The following C12orf54 variants were observed in gnomAD, a reference collection of about 807,000 sequenced individuals.
The protein encoded by C12orf54 is uncharacterized protein C12orf54.
Under a neutral mutation model 26.4 loss-of-function variants are expected in C12orf54, and 24 were observed. That is an observed-to-expected ratio of 0.91 (90% CI 0.66 to 1.28). The LOEUF (loss-of-function observed/expected upper bound fraction) is 1.28, where lower values mean the gene tolerates loss of function less well. Among genes scored for constraint, C12orf54 ranks in the 50% most tolerant of loss-of-function variants. The probability of loss-of-function intolerance (pLI) is 0.00; values close to 1 mark genes in which losing one functional copy is unlikely to be tolerated. For synonymous variants in C12orf54, 54 were observed against 47.0 expected, an observed-to-expected ratio of 1.15 and a Z score of -0.61; for missense variants, 154 against 150.9, an observed-to-expected ratio of 1.02 and a Z score of -0.11.
chr12:48,434,125 T>G, the C12orf54 span, among the ~76,000 whole-genome samples: 14 of 152,278 alleles, frequency 9.2e-5, no homozygotes, highest in African/African-American at 3.4e-4. Flanking sequence ...ATCCCACACA[T>G]GACTCGGAGG....
At chr12:48,460,640 C>T in the C12orf54 span, among the ~76,000 whole-genome samples, 2 of 151,950 alleles carry the variant, frequency 1.3e-5, no homozygotes, top group Non-Finnish European at 1.5e-5. Flanking sequence ...CATATGACAA[C>T]AATAATAGCA....
In C12orf54 at chr12:48,486,226, A is replaced by T; in HGVS notation, c.96+18A>T. 6 of 1,605,548 alleles carry T rather than the reference A, an allele frequency of 3.7e-6. No homozygotes were observed. The South Asian group carries it at 5.5e-5, about 15-fold the overall frequency. On this transcript the variant is annotated intron_variant, in intron 3 of 8. Transcript: ENST00000548364. ...GACCACAGGTGGGTAAGGTATCCAA[A>T]TTCTCTGGATCCTCTGGGGCTTCTA...
chr12:48,488,624 G>C (rs1937713057), intron 4 of C12orf54: 1 of 417,318 alleles, frequency 2.4e-6, no homozygotes, highest in African/African-American at 2.0e-5. Flanking sequence ...GAACCAATTA[G>C]ACCGAAAATA....
upstream of C12orf54, among the ~76,000 whole-genome samples, chr12:48,480,554 A>T (rs2137081750): frequency 6.6e-6 from 1 of 152,304 alleles, no homozygotes; most frequent in Non-Finnish European, 1.5e-5. Flanking sequence ...CACCAGTCAG[A>T]ATGGCCATTA....
the C12orf54 span, among the ~76,000 whole-genome samples, chr12:48,458,387 T>C: frequency 2.0e-5 from 3 of 152,356 alleles, no homozygotes; most frequent in East Asian, 5.8e-4. Flanking sequence ...CATGGAATTT[T>C]ATTATCGGGG....
chr12:48,473,676 A>G, the C12orf54 span: 1 of 253,628 alleles, frequency 3.9e-6, no homozygotes, highest in East Asian at 9.8e-5. Flanking sequence ...TGTAAATGCA[A>G]TAGTTAAGTA....
intron 4 of C12orf54, 62 bp from the exon 5 acceptor site, chr12:48,488,862 T>A (rs1937719152): frequency 7.2e-7 from 1 of 1,388,414 alleles, no homozygotes; most frequent in Admixed American, 1.7e-5. Context: ...ATATGTGAAA[T>A]CCCTCTGTAA....
the C12orf54 span, among the ~76,000 whole-genome samples, chr12:48,437,543 T>G: frequency 8.5e-5 from 13 of 152,104 alleles, no homozygotes; most frequent in African/African-American, 1.2e-4. Context: ...CATCAAAAAG[T>G]TTATCCACCA....
chr12:48,451,502 C>T, the C12orf54 span, among the ~76,000 whole-genome samples: 102 of 152,094 alleles, frequency 6.7e-4, no homozygotes, highest in South Asian at 4.2e-4. Flanking sequence ...GGCAATCAGG[C>T]GAGAGAAAGA....
the C12orf54 span, among the ~76,000 whole-genome samples, chr12:48,420,343 T>C: frequency 3.3e-5 from 5 of 152,226 alleles, no homozygotes; most frequent in African/African-American, 1.2e-4. Flanking sequence ...AGCCTCAACA[T>C]TCACCTCAGC....
At chr12:48,457,727 C>T in the C12orf54 span, among the ~76,000 whole-genome samples, 1 of 152,264 alleles carries the variant, frequency 6.6e-6, no homozygotes, top group East Asian at 1.9e-4. Flanking sequence ...GTGAGCCTCT[C>T]CAGTCTGCTG....
the C12orf54 span, among the ~76,000 whole-genome samples, chr12:48,431,725 G>A: frequency 6.6e-6 from 1 of 152,118 alleles, no homozygotes; most frequent in Admixed American, 6.5e-5. Context: ...ATGAATGAAA[G>A]CATATTATTG....
chr12:48,472,610 G>T, the C12orf54 span: 3 of 1,605,112 alleles, frequency 1.9e-6, no homozygotes, highest in Non-Finnish European at 2.6e-6. Flanking sequence ...GTGGGTTCGG[G>T]GTTTATTGGT....
rs111523493 is a variant in C12orf54 at position 48,484,153 on chromosome 12, C to A, written c.65+792C>A. Among the ~76,000 whole-genome samples the A allele has an allele frequency of 2.7e-3, 412 of 152,294 alleles. 1 individual carries two copies. The highest frequency in any genetic ancestry group is 9.1e-3 in the African/African-American group (378 of 41,568). ...GAGGTTGCGGTGAGCCGGGATCATG[C>A]CATTGCACTCCAGCCTGGGCAATAA... On this transcript the variant is annotated intron_variant, in intron 2 of 8. Transcript: ENST00000548364.
At chr12:48,476,080 G>C in the C12orf54 span, among the ~76,000 whole-genome samples, 1 of 152,078 alleles carries the variant, frequency 6.6e-6, no homozygotes, top group Non-Finnish European at 1.5e-5. Flanking sequence ...GAAGAGAGTG[G>C]GGGCCAATAT....
chr12:48,418,790 A>T, the C12orf54 span, among the ~76,000 whole-genome samples: 1 of 152,190 alleles, frequency 6.6e-6, no homozygotes, highest in Non-Finnish European at 1.5e-5. Context: ...CTCTTTTAGA[A>T]AATAAGCCAC....
chr12:48,494,189 A>G (rs915070186), intron 7 of C12orf54, among the ~76,000 whole-genome samples: 8 of 151,298 alleles, frequency 5.3e-5, no homozygotes, highest in African/African-American at 1.5e-4. Context: ...ATTGCACTCC[A>G]GTCTAGGCAA....
At chr12:48,478,224 A>G (rs1175346936), upstream of C12orf54, among the ~76,000 whole-genome samples, 1 of 152,210 alleles carries the variant, frequency 6.6e-6, no homozygotes, top group African/African-American at 2.4e-5. Context: ...CTCTCAATAA[A>G]TTAGGTATTG....
At chr12:48,455,427 T>C in the C12orf54 span, among the ~76,000 whole-genome samples, 8 of 152,224 alleles carry the variant, frequency 5.3e-5, no homozygotes, top group Non-Finnish European at 1.0e-4. Flanking sequence ...TATGTCTTTA[T>C]GGTCAAATCA....
Sources: gnomAD v4.1 joint callset for allele counts (sites outside exome capture counted in the v4.1 genomes callset) on GRCh38, gnomAD v4.1.1 for gene constraint, MANE v1.5 for transcripts, NCBI Gene and HGNC (gene_info 2026-07-23, HGNC 2026-07-21) for gene names.